Variants in CREB5 observed in about 807,000 individuals in gnomAD.
The protein encoded by CREB5 is cAMP responsive element binding protein 5.
CREB5 carries 19 observed loss-of-function variants against 57.1 expected under a neutral mutation model. That is an observed-to-expected ratio of 0.33 (90% CI 0.23 to 0.49). The LOEUF is 0.49. Ranked by LOEUF, CREB5 falls within the 20% of genes least tolerant of loss-of-function variation. The probability of loss-of-function intolerance (pLI) is 0.99; values close to 1 mark genes in which losing one functional copy is unlikely to be tolerated. For synonymous variants in CREB5, 238 were observed against 238.3 expected (o/e 1.00, Z 0.01); for missense variants, 579 against 671.6 (o/e 0.86, Z 1.52).
At chr7:28,437,633 A>T (rs1789014216) in intron 1 of CREB5, among the ~76,000 whole-genome samples, 1 of 152,190 alleles carries the variant, frequency 6.6e-6, no homozygotes, top group Non-Finnish European at 1.5e-5. Context: ...TTTACCTAAC[A>T]ACAGGAAACT....
intron 1 of CREB5, among the ~76,000 whole-genome samples, chr7:28,329,215 G>T (rs536004288): frequency 2.0e-5 from 3 of 152,320 alleles, no homozygotes; most frequent in Admixed American, 1.3e-4. Flanking sequence ...CTATCTCATG[G>T]AACCATGACA....
At chr7:28,598,557 A>G (rs1796781266) in intron 5 of CREB5, among the ~76,000 whole-genome samples, 1 of 152,174 alleles carries the variant, frequency 6.6e-6, no homozygotes, top group Non-Finnish European at 1.5e-5. Flanking sequence ...TTCATGATGC[A>G]TTGGGTCATT....
intron 5 of CREB5, among the ~76,000 whole-genome samples, chr7:28,693,976 T>C (rs1045836913): frequency 2.0e-5 from 3 of 152,242 alleles, no homozygotes; most frequent in Non-Finnish European, 4.4e-5. Flanking sequence ...ATCATACTTC[T>C]GGCTGTACAT....
intron 8 of CREB5, among the ~76,000 whole-genome samples, chr7:28,805,945 C>G (rs1322347260): frequency 1.3e-5 from 2 of 151,844 alleles, no homozygotes; most frequent in African/African-American, 4.8e-5. Context: ...CAATCAAATG[C>G]TATCCAGAGA....
intron 3 of CREB5, among the ~76,000 whole-genome samples, chr7:28,504,690 G>A (rs1792407772): frequency 1.3e-5 from 2 of 152,148 alleles, no homozygotes; most frequent in African/African-American, 2.4e-5. Flanking sequence ...ACACCCGTGT[G>A]TTACCCTCTC....
intron 1 of CREB5, among the ~76,000 whole-genome samples, chr7:28,462,033 C>A (rs1326290436): frequency 2.0e-5 from 3 of 152,028 alleles, no homozygotes; most frequent in Admixed American, 6.6e-5. Flanking sequence ...TTCGTCACCC[C>A]CAAAAAGAAA....
chr7:28,529,276 A>G (rs1376768629), intron 4 of CREB5, among the ~76,000 whole-genome samples: 1 of 152,144 alleles, frequency 6.6e-6, no homozygotes, highest in Non-Finnish European at 1.5e-5. Context: ...CTGCTAATTG[A>G]CCACTCAGGC....
chr7:28,355,942 A>G (rs994540499), intron 1 of CREB5, among the ~76,000 whole-genome samples: 5 of 152,196 alleles, frequency 3.3e-5, no homozygotes, highest in African/African-American at 1.2e-4. Flanking sequence ...CAAGTCGTCC[A>G]TCAGGGCAAT....
chr7:28,624,916 A>G (rs1322112020), intron 5 of CREB5, among the ~76,000 whole-genome samples: 2 of 151,644 alleles, frequency 1.3e-5, no homozygotes, highest in Admixed American at 1.3e-4. Context: ...ACGTGCCTGG[A>G]TGACTCTGGG....
chr7:28,400,216 G>A (rs1242379966), intron 1 of CREB5, among the ~76,000 whole-genome samples: 2 of 152,148 alleles, frequency 1.3e-5, no homozygotes, highest in African/African-American at 4.8e-5. Flanking sequence ...TCAGGACTAG[G>A]TTTGAAACTC....
upstream of CREB5, among the ~76,000 whole-genome samples, chr7:28,408,029 G>C (rs1303919279): frequency 6.6e-6 from 1 of 152,208 alleles, no homozygotes; most frequent in Non-Finnish European, 1.5e-5. Flanking sequence ...GTTCTTAGCA[G>C]AGGTTCCAAC....
intron 1 of CREB5, among the ~76,000 whole-genome samples, chr7:28,426,510 C>T (rs1405090088): frequency 6.6e-6 from 1 of 152,156 alleles, no homozygotes; most frequent in East Asian, 1.9e-4. Context: ...GTGTTGAGTG[C>T]CTCTCTGGCA....
At chr7:28,724,123 A>T (rs1230958157) in intron 6 of CREB5, 99 bp from the exon 7 acceptor site, 1 of 1,031,788 alleles carries the variant, frequency 9.7e-7, no homozygotes, top group Non-Finnish European at 1.4e-6. Flanking sequence ...ATTTCTTCAA[A>T]GAAATACTAA....
intron 9 of CREB5, among the ~76,000 whole-genome samples, chr7:28,810,389 G>A (rs1481455568): frequency 6.6e-6 from 1 of 152,088 alleles, no homozygotes; most frequent in Non-Finnish European, 1.5e-5. Context: ...TGCATTTTAA[G>A]AGTTCATGGG....
rs560190152 is a variant in CREB5 at position 28,343,443 on chromosome 7, A to G, written c.-25+44002A>G. On this transcript the variant is annotated intron_variant, in intron 1 of 9. Coordinates refer to the CREB5 transcript ENST00000396299. ...ATTCCACATATGAGTGACATCATAC[A>G]GTATTTGTCTTTCTGTGCCTGCCTG... Among the ~76,000 whole-genome samples, 20 of 152,300 alleles carry G rather than the reference A, an allele frequency of 1.3e-4. No homozygotes were observed. In the East Asian group the frequency reaches 3.7e-3, roughly 28 times the overall value.
chr7:28,317,866 T>C (rs1027660005), intron 1 of CREB5, among the ~76,000 whole-genome samples: 2 of 152,210 alleles, frequency 1.3e-5, no homozygotes, highest in African/African-American at 4.8e-5. Context: ...CTGTATGGAA[T>C]GACTGCAGTG....
intron 7 of CREB5, among the ~76,000 whole-genome samples, chr7:28,764,797 C>T (rs912708186): frequency 6.6e-6 from 1 of 152,106 alleles, no homozygotes; most frequent in Non-Finnish European, 1.5e-5. Flanking sequence ...ATATAAATGT[C>T]GATGACAATT....
At chr7:28,528,216 C>T (rs1247613073) in intron 4 of CREB5, among the ~76,000 whole-genome samples, 2 of 152,176 alleles carry the variant, frequency 1.3e-5, no homozygotes, top group African/African-American at 2.4e-5. Context: ...TGGGGCCCAT[C>T]GCTTCTACCT....
intron 4 of CREB5, among the ~76,000 whole-genome samples, chr7:28,560,897 C>CGTCGTGT: frequency 4.4e-5 from 1 of 22,548 alleles, no homozygotes; most frequent in East Asian, 1.0e-3. Context: ...CGTGTGTGTG[C>CGTCGTGT]GTGCGCGCGT....
Sources: allele counts gnomAD v4.1 joint callset (sites outside exome capture counted in the v4.1 genomes callset), GRCh38; gene constraint gnomAD v4.1.1; transcripts MANE v1.5; gene names NCBI Gene and HGNC (gene_info 2026-07-23, HGNC 2026-07-21).